OR51B5: variants seen among roughly 807,000 people sequenced by gnomAD.
The protein encoded by OR51B5 is olfactory receptor 51B5.
For missense variants in OR51B5, 456 were observed against 374.6 expected (o/e 1.22, Z -1.79); for synonymous variants, 186 against 144.8 (o/e 1.28, Z -2.04).
chr11:5,341,002 TGGCGTGACAA>T (rs1848883942), downstream of OR51B5: 4 of 152,172 alleles, frequency 2.6e-5, no homozygotes, highest in African/African-American at 9.7e-5. Context: ...TCAGGTGACA[TGGCGTGACAA>T]GGATAAAAAA....
chr11:5,499,645 G>A (rs1851691682), intron 1 of OR51B5, among the ~76,000 whole-genome samples: 1 of 152,142 alleles, frequency 6.6e-6, no homozygotes, highest in African/African-American at 2.4e-5. Flanking sequence ...CCTCTTAACT[G>A]CACAAGTCAA....
At position 5,430,896 on chromosome 11, in the gene OR51B5, C is replaced by T. The variant is rs186620081; in HGVS notation, n.84+74673G>A. 3.9e-4 allele frequency: 176 copies of T among 457,130 alleles called. 1 individual carries two copies. Among genetic ancestry groups the T allele is most frequent in the Non-Finnish European group, 6.7e-4 (151 of 227,034 alleles). 28.3% of individuals were successfully genotyped at this position (457,130 alleles called of 1,614,324 possible). ...ACACACATGTGTTGAGAGCCTTCCA[C>T]CGTCCCTCTCCAGAAGCAATGCCCA... On this transcript the variant is annotated intron_variant and non_coding_transcript_variant, in intron 1 of 4. Coordinates refer to the OR51B5 transcript ENST00000415970.
chr11:5,429,128 T>C (rs953662188), intron 1 of OR51B5, among the ~76,000 whole-genome samples: 3 of 152,150 alleles, frequency 2.0e-5, no homozygotes, highest in African/African-American at 4.8e-5. Flanking sequence ...ATGACTACCA[T>C]TTTCCACATT....
intron 1 of OR51B5, chr11:5,402,673 A>G: frequency 2.1e-6 from 1 of 471,278 alleles, no homozygotes; most frequent in Non-Finnish European, 4.4e-6. Flanking sequence ...CTGGAGTCAG[A>G]GCACCTCTGG....
chr11:5,435,211 G>T (rs1271026414), intron 1 of OR51B5, among the ~76,000 whole-genome samples: 5 of 152,180 alleles, frequency 3.3e-5, no homozygotes. Flanking sequence ...CATTCCCAGT[G>T]ATGGGGAGTT....
At chr11:5,376,725 T>C (rs1353029455) in intron 1 of OR51B5, among the ~76,000 whole-genome samples, 3 of 151,814 alleles carry the variant, frequency 2.0e-5, no homozygotes, top group Non-Finnish European at 4.4e-5. Flanking sequence ...ATGGATAAAT[T>C]CCTGGACACA....
chr11:5,469,706 G>GT (rs1468586709), intron 1 of OR51B5, among the ~76,000 whole-genome samples: 1 of 152,220 alleles, frequency 6.6e-6, no homozygotes, highest in East Asian at 1.9e-4. Flanking sequence ...TGTCTATATA[G>GT]TTTTTTACAT....
At chr11:5,351,502 C>A (rs753943663) in intron 1 of OR51B5, 4 of 1,600,418 alleles carry the variant, frequency 2.5e-6, no homozygotes, top group African/African-American at 2.7e-5. Context: ...CTTTGCAAAG[C>A]TGGCAATGGG....
chr11:5,364,976 A>G (rs967243542), intron 1 of OR51B5, among the ~76,000 whole-genome samples: 4 of 151,548 alleles, frequency 2.6e-5, no homozygotes, highest in African/African-American at 4.9e-5. Flanking sequence ...ATGAAGTAAC[A>G]GAAGGCTACA....
At chr11:5,465,914 C>T (rs1427608008) in intron 1 of OR51B5, among the ~76,000 whole-genome samples, 3 of 151,196 alleles carry the variant, frequency 2.0e-5, no homozygotes, top group African/African-American at 7.3e-5. Flanking sequence ...ACTTCATGTC[C>T]AAAACACCAA....
chr11:5,363,343 G>GT (rs1198879379), intron 1 of OR51B5, among the ~76,000 whole-genome samples: 10 of 105,548 alleles, frequency 9.5e-5, no homozygotes, highest in African/African-American at 1.8e-4. Flanking sequence ...TGGAATTACA[G>GT]TTTTTTTTGG....
chr11:5,343,201 G>T (rs58233587), exon 1 of OR51B5: 1 of 1,613,478 alleles, frequency 6.2e-7, no homozygotes, highest in South Asian at 1.1e-5. Context: ...TGCCAGACTC[G>T]AGAAAGGAAA....
intron 1 of OR51B5, chr11:5,403,547 G>A (rs1402212280): frequency 6.4e-6 from 3 of 467,818 alleles, no homozygotes; most frequent in Non-Finnish European, 1.3e-5. Flanking sequence ...GCAGAGTGTA[G>A]CCAAAAACCA....
intron 1 of OR51B5, among the ~76,000 whole-genome samples, chr11:5,487,323 C>G (rs1423093210): frequency 6.6e-6 from 1 of 151,984 alleles, no homozygotes; most frequent in African/African-American, 2.4e-5. Context: ...ATGTTTAATT[C>G]CATGAATAGT....
Position 5,430,977 on chromosome 11 carries a change from G to T in OR51B5, n.84+74592C>A, listed in dbSNP as rs1253861526. On this transcript the variant is annotated intron_variant and non_coding_transcript_variant, in intron 1 of 4. Transcript: ENST00000415970. ...CCACGATAAGCAATGAGTCCAGCCC[G>T]AAATTTGCGAGAACAATGGCTAAGC... 29 of 456,874 alleles carry T rather than the reference G, an allele frequency of 6.3e-5. No individual in the cohort carries two copies. In the Admixed American group the frequency reaches 6.8e-4, roughly 11 times the overall value. The allele number at this position is 456,874 out of a possible 1,614,324, so 28.3% of individuals were successfully genotyped here.
At chr11:5,379,551 G>A (rs1041539309) in intron 1 of OR51B5, among the ~76,000 whole-genome samples, 25 of 151,786 alleles carry the variant, frequency 1.6e-4, no homozygotes, top group African/African-American at 5.6e-4. Flanking sequence ...TAATTTTCTT[G>A]TATGCAATGT....
chr11:5,478,942 A>G (rs147749225), intron 1 of OR51B5, among the ~76,000 whole-genome samples: 25,034 of 151,076 alleles, frequency 0.17, 2,208 homozygotes, highest in Middle Eastern at 0.27. Context: ...ACTCTGCAGG[A>G]TATTATCCGG....
At chr11:5,465,044 A>G (rs1404488381) in intron 1 of OR51B5, among the ~76,000 whole-genome samples, 1 of 151,858 alleles carries the variant, frequency 6.6e-6, no homozygotes, top group Non-Finnish European at 1.5e-5. Flanking sequence ...GTCTCTACTA[A>G]AAATACAGAA....
chr11:5,452,370 G>T (rs940774322), intron 1 of OR51B5, among the ~76,000 whole-genome samples: 13 of 151,950 alleles, frequency 8.6e-5, no homozygotes, highest in Non-Finnish European at 1.6e-4. Flanking sequence ...GCCGGGCATG[G>T]TGGCGGGAGC....
Sources: gnomAD v4.1 joint callset for allele counts (sites outside exome capture counted in the v4.1 genomes callset) on GRCh38, gnomAD v4.1.1 for gene constraint, MANE v1.5 for transcripts, NCBI Gene and HGNC (gene_info 2026-07-23, HGNC 2026-07-21) for gene names.